Variants in SCYL1 observed in about 807,000 individuals in gnomAD.
The protein encoded by SCYL1 is N-terminal kinase-like protein.
Under a neutral mutation model 94.8 loss-of-function variants are expected in SCYL1, and 85 were observed. That is an observed-to-expected ratio of 0.90 (90% CI 0.75 to 1.07). The LOEUF (loss-of-function observed/expected upper bound fraction) is 1.07, where lower values mean the gene tolerates loss of function less well. SCYL1 is among the 50% of genes least tolerant of loss of function. The probability of loss-of-function intolerance (pLI) is 0.00; values close to 1 mark genes in which losing one functional copy is unlikely to be tolerated. For synonymous variants in SCYL1, 459 were observed against 435.5 expected (o/e 1.05, Z -0.67); for missense variants, 968 against 1,083.3 (o/e 0.89, Z 1.49).
rs376500168 is a variant in SCYL1 at position 65,538,521 on chromosome 11, G to A, written c.2382G>A (p.Lys794=). Residue 794 remains lysine, a synonymous_variant, in exon 18 of 18, where the codon AAG becomes AAA. Coordinates refer to ENST00000270176, the MANE Select transcript of SCYL1 (RefSeq NM_020680.4). The stretch of plus-strand genomic sequence containing the variant: ...TGGAGGCCAAACGCGCCGAGAGGAA[G>A]GTGGCCAAGGGCCCCATGAAGCTGG... ...REMEAKRAER[K]VAKGPMKLGA... is the part of the protein sequence containing the mutation. 4.5e-5 allele frequency: 72 copies of A among 1,610,416 alleles called. No homozygotes were observed. Among genetic ancestry groups the A allele is most frequent in the Non-Finnish European group, 5.9e-5 (70 of 1,179,098 alleles).
At position 65,525,211 on chromosome 11, in the gene SCYL1, C is replaced by A; in HGVS notation, c.58C>A (p.Pro20Thr). ...RDFPFELIPE[P>T]PEGGLPGPWA... ...CTTTCCGTTCGAGCTCATCCCGGAG[C>A]CCCCAGAGGGCGGCCTGCCCGGGCC... The change falls in exon 1 of 18, where the codon CCC becomes ACC. Residue 20 changes from proline (P) to threonine (T), a missense_variant. This residue lies in a region of SCYL1 where 494 missense variants were observed against 619.7 expected (regional missense o/e 0.80). Transcript: ENST00000270176. The A allele has an allele frequency of 6.9e-7, 1 of 1,457,660 alleles. No homozygotes were observed. The highest frequency in any genetic ancestry group is 9.1e-7 in the Non-Finnish European group (1 of 1,100,952). 90.3% of individuals were successfully genotyped at this position (1,457,660 alleles called of 1,614,324 possible).
chr11:65,538,614 G>A lies in SCYL1; in HGVS notation c.*48G>A, dbSNP rs1565083944. ...GCTGCGGAGAGCCCGCCCCACAGAT[G>A]TATTTATTGTACAAACCATGTGAGC... On this transcript the variant is annotated 3_prime_UTR_variant, in exon 18 of 18. Coordinates refer to ENST00000270176, the MANE Select transcript of SCYL1 (RefSeq NM_020680.4). 1.3e-6 allele frequency: 2 copies of A among 1,584,630 alleles called. No individual in the cohort carries two copies. The highest frequency in any genetic ancestry group is 2.7e-5 in the African/African-American group (2 of 74,494).
At chr11:65,535,828 A>C in intron 10 of SCYL1, 125 bp from the exon 11 acceptor site, 2 of 909,862 alleles carry the variant, frequency 2.2e-6, no homozygotes, top group Non-Finnish European at 3.3e-6. Context: ...CATTTAAGTG[A>C]TTCATTCATA....
intron 10 of SCYL1, 85 bp from the exon 11 acceptor site, chr11:65,535,868 T>C: frequency 7.5e-7 from 1 of 1,336,408 alleles, no homozygotes; most frequent in Non-Finnish European, 1.0e-6. Flanking sequence ...CTATGGGTGG[T>C]CCCATTCTGG....
At chr11:65,527,998 AC>A (rs769021657) in intron 6 of SCYL1, among the ~76,000 whole-genome samples, 42 of 152,188 alleles carry the variant, frequency 2.8e-4, no homozygotes, top group Non-Finnish European at 5.4e-4. Flanking sequence ...GGGGTGTAAC[AC>A]CCTGTACTGG....
Position 65,526,058 on chromosome 11 carries a change from A to G in SCYL1, c.375+15A>G, listed in dbSNP as rs377041317. ...ACCAGATCGTGGTGAGGTGGGGGGC[A>G]GTGGTGATGAGAGCAGGGATGGGGG... On this transcript the variant is annotated intron_variant, in intron 3 of 17. Coordinates refer to ENST00000270176, the MANE Select transcript of SCYL1 (RefSeq NM_020680.4). The surrounding 1 kb of genome is among the most constrained non-coding windows in gnomAD (Gnocchi z 4.1). 4 of 1,611,730 alleles carry G rather than the reference A, an allele frequency of 2.5e-6. No individual in the cohort carries two copies. The African/African-American group carries it at 4.0e-5, about 16-fold the overall frequency.
chr11:65,537,826 GCTGGCCCAGCAGGACGA>G lies in SCYL1; in HGVS notation c.1982_1998del (p.Ala661GlufsTer10), dbSNP rs1855765817. On this transcript the variant is annotated frameshift_variant, in exon 15 of 18. Transcript: ENST00000270176. LOFTEE classifies it high-confidence loss of function. ...CACTGCAGCAGGAGGCCGAGTCTGT[GCTGGCCCAGCAGGACGA>G]CTGGAGCACCGGGGGCCAAGTGAGC... 6.4e-7 allele frequency: 1 copy of G among 1,568,702 alleles called. No individual in the cohort carries two copies. Among genetic ancestry groups the G allele is most frequent in the Non-Finnish European group, 8.6e-7 (1 of 1,156,468 alleles).
At chr11:65,531,540 CTG>C in intron 7 of SCYL1, 34 bp from the exon 8 acceptor site, 5 of 1,510,672 alleles carry the variant, frequency 3.3e-6, no homozygotes, top group Non-Finnish European at 4.6e-6. Flanking sequence ...CAGCCCATTC[CTG>C]TGAGCAGCTG....
chr11:65,536,769 C>A lies in SCYL1; in HGVS notation c.1816+19C>A. On this transcript the variant is annotated intron_variant, in intron 13 of 17. Transcript: ENST00000270176. ...CCTGAAGGTGAGTGTCCTGGCCTAG[C>A]TGCATCAGTGGCTGAGAGGGCTGAG... 1 of 1,582,926 alleles carries A rather than the reference C, an allele frequency of 6.3e-7. No individual in the cohort carries two copies.
chr11:65,529,997 A>C lies in SCYL1; in HGVS notation c.850-632A>C, dbSNP rs1382048545. Among the ~76,000 whole-genome samples the C allele has an allele frequency of 3.9e-5, 6 of 152,158 alleles. No individual in the cohort carries two copies. The South Asian group carries it at 1.0e-3, about 26-fold the overall frequency. On this transcript the variant is annotated intron_variant, in intron 6 of 17. Coordinates refer to ENST00000270176, the MANE Select transcript of SCYL1 (RefSeq NM_020680.4). The stretch of plus-strand genomic sequence containing the variant: ...TTTAGCACATAATCTGTGCTCCAGA[A>C]ATATGAATTGGGGGTATTATGGCCT...
chr11:65,526,112 T>C lies in SCYL1; in HGVS notation c.376-12T>C, dbSNP rs778321824. 13 of 1,612,518 alleles carry C rather than the reference T, an allele frequency of 8.1e-6. No homozygotes were observed. Among genetic ancestry groups the C allele is most frequent in the Non-Finnish European group, 1.1e-5 (13 of 1,179,596 alleles). Reference sequence around the variant, plus strand: ...GCAGGTGCTGGGGCGTGATGGCTCCTTTTGCCCCCAGAAAGCCCTCAGCTT... The same window carrying C: ...GCAGGTGCTGGGGCGTGATGGCTCCCTTTGCCCCCAGAAAGCCCTCAGCTT... On this transcript the variant is annotated splice_polypyrimidine_tract_variant and intron_variant, in intron 3 of 17. Coordinates refer to ENST00000270176, the MANE Select transcript of SCYL1 (RefSeq NM_020680.4). The surrounding 1 kb of genome is among the most constrained non-coding windows in gnomAD (Gnocchi z 4.1).
chr11:65,535,184 T>C, intron 9 of SCYL1, 43 bp from the exon 10 acceptor site: 1 of 1,603,252 alleles, frequency 6.2e-7, no homozygotes, highest in Non-Finnish European at 8.5e-7. Flanking sequence ...CAAGGCCCTT[T>C]GCCCGCCACA....
chr11:65,532,587 G>A (rs1442849620), intron 8 of SCYL1, 105 bp from the exon 9 acceptor site: 4 of 886,460 alleles, frequency 4.5e-6, no homozygotes, highest in South Asian at 1.5e-5. Context: ...GACCTGGCTG[G>A]CCAGTGCCTG....
chr11:65,538,359 G>A, intron 17 of SCYL1, 35 bp downstream of exon 17: 1 of 1,540,670 alleles, frequency 6.5e-7, no homozygotes. Flanking sequence ...GAAGACTAGG[G>A]CTCCCCGACT....
intron 1 of SCYL1, 28 bp from the exon 2 acceptor site, chr11:65,525,546 C>T (rs1341603408): frequency 6.2e-7 from 1 of 1,606,510 alleles, no homozygotes; most frequent in East Asian, 2.2e-5. Flanking sequence ...GCTCTGGGAC[C>T]ATCTCAGGCC....
intron 9 of SCYL1, 25 bp from the exon 10 acceptor site, chr11:65,535,202 G>GT: frequency 6.2e-7 from 1 of 1,610,312 alleles, no homozygotes; most frequent in Non-Finnish European, 8.5e-7. Context: ...ACAGCCCACA[G>GT]TTCCCACTCA....
rs187644314 is a variant in SCYL1 at position 65,531,670 on chromosome 11, G to A, written c.1103G>A (p.Arg368His). 3.5e-4 allele frequency: 567 copies of A among 1,612,674 alleles called. 5 individuals carry two copies. In the African/African-American group the frequency reaches 5.7e-3, roughly 16 times the overall value. The change falls in exon 8 of 18, where the codon CGC (arginine) becomes CAC (histidine). Residue 368 changes from arginine to histidine, a missense_variant. By Grantham distance (29) the Arg-to-His change is conservative. Around this residue, in one of 2 missense-constraint regions of SCYL1, gnomAD observed 494 missense variants for 619.7 expected, o/e 0.80. Transcript: ENST00000270176. ...FSSTDRAMRI[R>H]LLQQMEQFIQ... The stretch of plus-strand genomic sequence containing the variant: ...TCCACTGACCGGGCCATGCGCATCC[G>A]CCTCCTGCAGCAGGTGAGGCCTCTG...
At position 65,536,121 on chromosome 11, in the gene SCYL1, G is replaced by A. The variant is rs1269360144; in HGVS notation, c.1555G>A (p.Glu519Lys). 1 of 1,613,864 alleles carries A rather than the reference G, an allele frequency of 6.2e-7. No individual in the cohort carries two copies. The highest frequency in any genetic ancestry group is 8.5e-7 in the Non-Finnish European group (1 of 1,179,840). ...PVLCGLTVDPEKSVRDQAFKA... is the reference protein window; with the variant it reads ...PVLCGLTVDPKKSVRDQAFKA... ...GCTCTGCGGTCTCACTGTAGATCCT[G>A]AGAAATCCGTGCGAGACCAGGTGAG... The change falls in exon 11 of 18, where the codon GAG becomes AAG. Residue 519 changes from glutamate to lysine, a missense_variant. By Grantham distance (56) the Glu-to-Lys change is moderately conservative. Coordinates refer to ENST00000270176, the MANE Select transcript of SCYL1 (RefSeq NM_020680.4).
chr11:65,525,176 C>T lies in SCYL1; in HGVS notation c.23C>T (p.Pro8Leu), dbSNP rs1353313734. ...ACGATGTGGTTCTTTGCCCGGGACCCGGTCCGGGACTTTCCGTTCGAGCTC... is the reference window on the plus strand; with the variant it reads ...ACGATGTGGTTCTTTGCCCGGGACCTGGTCCGGGACTTTCCGTTCGAGCTC... MWFFARDPVRDFPFELIP... is the reference protein window; with the variant it reads MWFFARDLVRDFPFELIP... The change falls in exon 1 of 18, where the codon CCG (proline) becomes CTG (leucine). Residue 8 changes from proline (P) to leucine (L), a missense_variant. By Grantham distance (98) the Pro-to-Leu change is moderately conservative (BLOSUM62 -3). Transcript: ENST00000270176. 5 of 1,398,688 alleles carry T rather than the reference C, an allele frequency of 3.6e-6. No individual in the cohort carries two copies. Among genetic ancestry groups the T allele is most frequent in the Non-Finnish European group, 4.7e-6 (5 of 1,066,464 alleles). The allele number at this position is 1,398,688 out of a possible 1,614,324, so 86.6% of individuals were successfully genotyped here.
Sources: gnomAD v4.1 joint callset for allele counts (sites outside exome capture counted in the v4.1 genomes callset) on GRCh38, gnomAD v4.1.1 for gene constraint, gnomAD v4.1.1 regional missense constraint, Gnocchi (gnomAD v3.1) non-coding constraint, MANE v1.5 for transcripts, NCBI Gene and HGNC (gene_info 2026-07-23, HGNC 2026-07-21) for gene names.